Variants in ZC3H12B observed in about 807,000 individuals in gnomAD.
The protein encoded by ZC3H12B is probable ribonuclease ZC3H12B.
Under a neutral mutation model 43.9 loss-of-function variants are expected in ZC3H12B, and 7 were observed. The observed-to-expected ratio is 0.16, with a 90% CI of 0.09 to 0.30. The LOEUF is 0.30. ZC3H12B is among the 10% of genes least tolerant of loss of function. The pLI is 1.00. For missense variants in ZC3H12B, 475 were observed against 670.2 expected (o/e 0.71, Z 3.22); for synonymous variants, 222 against 241.7 (o/e 0.92, Z 0.76).
intron 2 of ZC3H12B, among the ~76,000 whole-genome samples, chrX:65,389,345 G>C (rs890852721): frequency 6.2e-4 from 69 of 112,082 alleles, no homozygotes; most frequent in African/African-American, 2.2e-3. Flanking sequence ...GCAGGCACCC[G>C]TCCCCCAGCC....
chrX:65,416,508 G>C (rs2066961717), intron 3 of ZC3H12B, among the ~76,000 whole-genome samples: 2 of 110,683 alleles, frequency 1.8e-5, no homozygotes. Context: ...CGGGCCGGGT[G>C]CGGTGGCTCA....
intron 2 of ZC3H12B, among the ~76,000 whole-genome samples, chrX:65,386,059 G>T: frequency 8.9e-6 from 1 of 112,196 alleles, no homozygotes; most frequent in Non-Finnish European, 1.9e-5. Context: ...GTATTTTATT[G>T]AAGATTTGTG....
the ZC3H12B span, among the ~76,000 whole-genome samples, chrX:65,226,402 A>T: frequency 8.9e-6 from 1 of 111,848 alleles, no homozygotes; most frequent in Non-Finnish European, 1.9e-5. Context: ...AACCGGTACC[A>T]GCCACTGCAA....
chrX:65,386,172 G>T (rs1189978170), intron 2 of ZC3H12B, among the ~76,000 whole-genome samples: 2 of 112,061 alleles, frequency 1.8e-5, no homozygotes, highest in African/African-American at 3.2e-5. Context: ...AAATGAATTA[G>T]GGAGGATTCC....
chrX:65,180,786 A>T, the ZC3H12B span, among the ~76,000 whole-genome samples: 2 of 109,310 alleles, frequency 1.8e-5, no homozygotes, highest in Non-Finnish European at 3.9e-5. Flanking sequence ...GTTGAAAAAA[A>T]ATTTAGGAAG....
chrX:65,172,453 T>C, the ZC3H12B span, among the ~76,000 whole-genome samples: 3 of 112,366 alleles, frequency 2.7e-5, no homozygotes, highest in Non-Finnish European at 5.6e-5. Context: ...TTTGTCAATT[T>C]TGGCATTTGT....
chrX:65,373,856 C>T (rs186879753), intron 2 of ZC3H12B, among the ~76,000 whole-genome samples: 66 of 48,538 alleles, frequency 1.4e-3, no homozygotes, highest in African/African-American at 3.4e-3. Flanking sequence ...AACAAACCTA[C>T]GCGTTCTGCA....
At chrX:65,193,380 C>G in the ZC3H12B span, among the ~76,000 whole-genome samples, 1 of 111,524 alleles carries the variant, frequency 9.0e-6, no homozygotes, top group Middle Eastern at 4.7e-3. Flanking sequence ...TTGTATGTGT[C>G]TAGGAATTTA....
At chrX:65,304,785 A>C in the ZC3H12B span, among the ~76,000 whole-genome samples, 1 of 111,754 alleles carries the variant, frequency 8.9e-6, no homozygotes, top group Non-Finnish European at 1.9e-5. Flanking sequence ...ACAAAAATTT[A>C]TTAGGTGCGA....
intron 3 of ZC3H12B, among the ~76,000 whole-genome samples, chrX:65,427,417 C>T (rs1004639466): frequency 4.5e-5 from 5 of 110,875 alleles, no homozygotes; most frequent in African/African-American, 1.6e-4. Flanking sequence ...AAACCTCAGC[C>T]TCCTAGGTTC....
chrX:65,100,118 A>T, the ZC3H12B span, among the ~76,000 whole-genome samples: 5 of 111,742 alleles, frequency 4.5e-5, no homozygotes, highest in Admixed American at 9.5e-5. Context: ...GAATTGATGA[A>T]GTGGAAGAAA....
At chrX:65,369,021 T>C (rs2066210748) in intron 2 of ZC3H12B, 23 bp downstream of exon 4, 1 of 111,835 alleles carries the variant, frequency 8.9e-6, no homozygotes, top group Non-Finnish European at 1.9e-5. Flanking sequence ...GTGGTTGTTG[T>C]TGTTGTTGTG....
At chrX:65,303,066 C>T in the ZC3H12B span, among the ~76,000 whole-genome samples, 1 of 111,506 alleles carries the variant, frequency 9.0e-6, no homozygotes, top group Non-Finnish European at 1.9e-5. Flanking sequence ...AAAAATAACA[C>T]TGAAAAAATC....
At chrX:65,166,746 G>A in the ZC3H12B span, among the ~76,000 whole-genome samples, 4 of 111,901 alleles carry the variant, frequency 3.6e-5, no homozygotes, top group African/African-American at 1.3e-4. Context: ...TCTAACTGGT[G>A]TGAGATGGTA....
At chrX:65,119,629 G>A in the ZC3H12B span, among the ~76,000 whole-genome samples, 1 of 111,526 alleles carries the variant, frequency 9.0e-6, no homozygotes, top group Non-Finnish European at 1.9e-5. Context: ...TTCTTTTGCA[G>A]TGCACAATCT....
At chrX:65,193,287 G>A in the ZC3H12B span, among the ~76,000 whole-genome samples, 1 of 110,665 alleles carries the variant, frequency 9.0e-6, no homozygotes, top group African/African-American at 3.3e-5. Flanking sequence ...CCAATTTGCT[G>A]GAAGATGTTT....
the ZC3H12B span, among the ~76,000 whole-genome samples, chrX:65,285,568 C>T: frequency 9.0e-6 from 1 of 111,497 alleles, no homozygotes; most frequent in Non-Finnish European, 1.9e-5. Context: ...ATGATATATT[C>T]ACAGTGCTGA....
the ZC3H12B span, among the ~76,000 whole-genome samples, chrX:65,233,147 G>A: frequency 8.9e-6 from 1 of 111,830 alleles, no homozygotes; most frequent in Non-Finnish European, 1.9e-5. Flanking sequence ...TACAATTACA[G>A]TGGGGGACAT....
chrX:65,236,502 A>G, the ZC3H12B span, among the ~76,000 whole-genome samples: 25 of 111,638 alleles, frequency 2.2e-4, no homozygotes, highest in Non-Finnish European at 4.0e-4. Context: ...TAGGTTGTCT[A>G]TTCACTCTGA....
Sources: gnomAD v4.1 joint callset for allele counts (sites outside exome capture counted in the v4.1 genomes callset) on GRCh38, gnomAD v4.1.1 for gene constraint, MANE v1.5 for transcripts, NCBI Gene and HGNC (gene_info 2026-07-23, HGNC 2026-07-21) for gene names.